Variants in STK17A observed in about 807,000 individuals in gnomAD.
The protein encoded by STK17A is serine/threonine-protein kinase 17A.
STK17A carries 26 observed loss-of-function variants against 43.7 expected under a neutral mutation model. The ratio of observed to expected loss-of-function variants is 0.60; its 90% CI spans 0.44 to 0.83. The LOEUF is 0.83. STK17A is among the 40% of genes least tolerant of loss of function. The probability of loss-of-function intolerance (pLI) is 0.00; values close to 1 mark genes in which losing one functional copy is unlikely to be tolerated. For synonymous variants in STK17A, 191 were observed against 182.5 expected, an observed-to-expected ratio of 1.05 and a Z score of -0.38; for missense variants, 476 against 511.6, an observed-to-expected ratio of 0.93 and a Z score of 0.67.
intron 1 of STK17A, among the ~76,000 whole-genome samples, chr7:43,585,434 G>GC (rs2082431874): frequency 6.7e-6 from 1 of 150,172 alleles, no homozygotes; most frequent in African/African-American, 2.4e-5. Flanking sequence ...TTCCGATCAG[G>GC]TTTTTTTTTA....
chr7:43,614,582 T>C (rs2083178161), intron 3 of STK17A, among the ~76,000 whole-genome samples: 1 of 152,226 alleles, frequency 6.6e-6, no homozygotes, highest in Non-Finnish European at 1.5e-5. Flanking sequence ...GCAAAGTCTA[T>C]TTTTAAAAAT....
intron 4 of STK17A, chr7:43,622,291 A>G (rs1425771493): frequency 2.0e-5 from 3 of 152,092 alleles, no homozygotes; most frequent in Non-Finnish European, 2.9e-5. Context: ...ACCATTTCAG[A>G]AATCAAAATT....
chr7:43,598,149 G>T (rs1044351851), intron 2 of STK17A, among the ~76,000 whole-genome samples: 1 of 151,982 alleles, frequency 6.6e-6, no homozygotes, highest in Non-Finnish European at 1.5e-5. Context: ...CAAATGTAAC[G>T]GTTATGAGCA....
At chr7:43,606,187 ATCTT>A (rs1426731933) in intron 2 of STK17A, among the ~76,000 whole-genome samples, 2 of 152,178 alleles carry the variant, frequency 1.3e-5, no homozygotes, top group African/African-American at 4.8e-5. Flanking sequence ...ATTTGTAATT[ATCTT>A]TCTATCTCTA....
chr7:43,593,718 TG>T lies in STK17A; in HGVS notation c.207-2182del, dbSNP rs549759898. On this transcript the variant is annotated intron_variant, in intron 1 of 6. Coordinates refer to ENST00000319357, the MANE Select transcript of STK17A (RefSeq NM_004760.3). ...ATATAAAAAAAAAAAACAATGAGGTTGTTTTTTTTTCTCGTTTTTTGAGTTC... is the reference window on the plus strand; with the variant it reads ...ATATAAAAAAAAAAAACAATGAGGTTTTTTTTTTTCTCGTTTTTTGAGTTC... 9.6e-3 allele frequency among the ~76,000 whole-genome samples: 1,455 copies of T among 151,562 alleles called. 23 individuals carry two copies. Among genetic ancestry groups the T allele is most frequent in the Non-Finnish European group, 0.011 (780 of 67,910 alleles).
rs2153031699 is a variant in STK17A at position 43,627,035 on chromosome 7, A to G, written c.*2193A>G. On this transcript the variant is annotated 3_prime_UTR_variant, in exon 7 of 7. Coordinates refer to ENST00000319357, the MANE Select transcript of STK17A (RefSeq NM_004760.3). ...TGCCAGCTAGCTCTACACTTATCTA[A>G]AGCTGTTAATGTTCCTTTTTTTCTA... 6.6e-6 allele frequency among the ~76,000 whole-genome samples: 1 copy of G among 152,308 alleles called. No individual in the cohort carries two copies. The highest frequency in any genetic ancestry group is 3.4e-3 in the Middle Eastern group (1 of 294).
chr7:43,611,721 G>A (rs2082897748), intron 3 of STK17A, among the ~76,000 whole-genome samples: 2 of 152,150 alleles, frequency 1.3e-5, no homozygotes, highest in African/African-American at 4.8e-5. Context: ...AAATGTTTAT[G>A]CTGTAGCTTC....
intron 1 of STK17A, among the ~76,000 whole-genome samples, chr7:43,591,955 A>T (rs1583547838): frequency 6.6e-6 from 1 of 151,512 alleles, no homozygotes; most frequent in Non-Finnish European, 1.5e-5. Context: ...ATTGCTTTGA[A>T]TGTCAGGTGT....
chr7:43,611,096 G>A (rs534614478), intron 3 of STK17A, among the ~76,000 whole-genome samples: 1 of 152,324 alleles, frequency 6.6e-6, no homozygotes, highest in African/African-American at 2.4e-5. Context: ...CAGCCTGGCT[G>A]ACAGAATGAG....
intron 5 of STK17A, 27 bp downstream of exon 5, chr7:43,623,647 C>CT (rs769637665): frequency 1.2e-6 from 2 of 1,607,546 alleles, no homozygotes; most frequent in Non-Finnish European, 1.7e-6. Context: ...AAAAATTGAT[C>CT]AAATTAGTTT....
Position 43,595,287 on chromosome 7 carries a change from TCCC to T in STK17A, c.207-610_207-608del, listed in dbSNP as rs397975933. 1.1e-4 allele frequency among the ~76,000 whole-genome samples: 15 copies of T among 131,536 alleles called. 1 individual carries two copies. Among genetic ancestry groups the T allele is most frequent in the South Asian group, 2.4e-4 (1 of 4,172 alleles). 86.3% of individuals were successfully genotyped at this position (131,536 alleles called of 152,430 possible). A position where few individuals can be genotyped will look rare whatever the true frequency, so the allele number is the denominator to read the frequency against. On this transcript the variant is annotated intron_variant, in intron 1 of 6. Transcript: ENST00000319357. ...AATGGCTTTTTTTTTTTTTTTTTTT[TCCC>T]CCCTGGAGACAGAGTCTCACTCTGT...
intron 2 of STK17A, among the ~76,000 whole-genome samples, chr7:43,599,008 A>G (rs1583552286): frequency 6.6e-6 from 1 of 152,100 alleles, no homozygotes; most frequent in Non-Finnish European, 1.5e-5. Context: ...CAGGTGATCC[A>G]CCTGCCTTGG....
chr7:43,604,239 T>C (rs2082574460), intron 2 of STK17A, among the ~76,000 whole-genome samples: 1 of 152,224 alleles, frequency 6.6e-6, no homozygotes, highest in Non-Finnish European at 1.5e-5. Flanking sequence ...TTGTGCTGTA[T>C]TACAAATAGC....
intron 1 of STK17A, among the ~76,000 whole-genome samples, chr7:43,587,405 A>C (rs952486482): frequency 1.3e-5 from 2 of 151,430 alleles, no homozygotes; most frequent in African/African-American, 4.8e-5. Flanking sequence ...CTTCAGTGTC[A>C]TATAGTTAAG....
chr7:43,607,743 A>G (rs993242060), intron 2 of STK17A, among the ~76,000 whole-genome samples: 1 of 150,740 alleles, frequency 6.6e-6, no homozygotes, highest in Non-Finnish European at 1.5e-5. Flanking sequence ...CCTTGTGTTT[A>G]TGTAAATTGA....
At chr7:43,595,033 G>T (rs1355144345) in intron 1 of STK17A, among the ~76,000 whole-genome samples, 1 of 152,084 alleles carries the variant, frequency 6.6e-6, no homozygotes, top group Non-Finnish European at 1.5e-5. Context: ...GCTATACTGA[G>T]TCCCTGGTTT....
At chr7:43,609,562 C>T (rs986484925) in intron 3 of STK17A, 2 of 152,198 alleles carry the variant, frequency 1.3e-5, no homozygotes, top group Non-Finnish European at 2.9e-5. Context: ...TTAGTATATT[C>T]CTGCAGGTGT....
intron 3 of STK17A, among the ~76,000 whole-genome samples, chr7:43,610,158 AAC>A (rs2082721444): frequency 6.6e-6 from 1 of 151,450 alleles, no homozygotes; most frequent in South Asian, 2.1e-4. Flanking sequence ...CATCCTGGCT[AAC>A]ACGGTGAAAC....
rs971097049 is a variant in STK17A, at chr7:43,625,352, GATA to G, written c.*513_*515del. 5 of 152,322 alleles carry G rather than the reference GATA, an allele frequency of 3.3e-5. No individual in the cohort carries two copies. Among genetic ancestry groups the G allele is most frequent in the African/African-American group, 1.2e-4 (5 of 41,430 alleles). The allele number at this position is 152,322 out of a possible 1,614,324, so 9.4% of individuals were successfully genotyped here. ...CTTAGAATAACATTCACTAAAGTTT[GATA>G]ATGTCTTTTTTAAATATTTTCTTAC... On this transcript the variant is annotated 3_prime_UTR_variant, in exon 7 of 7. Coordinates refer to ENST00000319357, the MANE Select transcript of STK17A (RefSeq NM_004760.3).
Sources: gnomAD v4.1 joint callset for allele counts (sites outside exome capture counted in the v4.1 genomes callset) on GRCh38, gnomAD v4.1.1 for gene constraint, MANE v1.5 for transcripts, NCBI Gene and HGNC (gene_info 2026-07-23, HGNC 2026-07-21) for gene names.